Variants in TUSC3 observed in about 807,000 individuals in gnomAD.
The protein encoded by TUSC3 is tumor suppressor candidate 3, also known as dolichyl-diphosphooligosaccharide--protein glycosyltransferase subunit TUSC3.
In TUSC3, 45 loss-of-function variants were observed where a neutral mutation model predicts 44.8. The observed-to-expected ratio is 1.00, with a 90% CI of 0.79 to 1.29. The LOEUF (loss-of-function observed/expected upper bound fraction) is 1.29, where lower values mean the gene tolerates loss of function less well. TUSC3 is among the 50% of genes most tolerant of loss of function. TUSC3 has a pLI of 0.00. For missense variants in TUSC3, 519 were observed against 437.9 expected, an observed-to-expected ratio of 1.19 and a Z score of -1.65; for synonymous variants, 212 against 152.9, an observed-to-expected ratio of 1.39 and a Z score of -2.85.
rs566949347 is a variant in TUSC3 at position 15,452,654 on chromosome 8, C to G, written n.92-30732C>G. On this transcript the variant is annotated intron_variant and non_coding_transcript_variant, in intron 1 of 5. Coordinates refer to the TUSC3 transcript ENST00000503191. Reference sequence around the variant, plus strand: ...GCTTTGTAGTCCAGGACACGTAGCTCTCCTGCACAAATAGTCTTTGCTTTG... The same window carrying G: ...GCTTTGTAGTCCAGGACACGTAGCTGTCCTGCACAAATAGTCTTTGCTTTG... Among the ~76,000 whole-genome samples, 6 of 152,270 alleles carry G rather than the reference C, an allele frequency of 3.9e-5. No individual in the cohort carries two copies. In the South Asian group the frequency reaches 1.2e-3, roughly 32 times the overall value.
At chr8:15,760,684 G>C (rs572480929) in intron 10 of TUSC3, among the ~76,000 whole-genome samples, 4 of 152,294 alleles carry the variant, frequency 2.6e-5, no homozygotes, top group African/African-American at 9.6e-5. Flanking sequence ...TTTGTTTTAT[G>C]TGTTGGCTGC....
chr8:15,688,170 ATCG>A (rs1318206495), intron 6 of TUSC3, among the ~76,000 whole-genome samples: 1 of 152,062 alleles, frequency 6.6e-6, no homozygotes, highest in African/African-American at 2.4e-5. Flanking sequence ...TATTATTTTC[ATCG>A]TATCAATAAA....
intron 2 of TUSC3, among the ~76,000 whole-genome samples, chr8:15,521,197 A>G (rs962637682): frequency 4.6e-5 from 7 of 152,054 alleles, no homozygotes; most frequent in African/African-American, 1.7e-4. Flanking sequence ...GTATAATGGA[A>G]CTGTTTTCCT....
At chr8:15,577,327 T>C (rs1803156369) in intron 1 of TUSC3, among the ~76,000 whole-genome samples, 1 of 151,824 alleles carries the variant, frequency 6.6e-6, no homozygotes, top group African/African-American at 2.4e-5. Flanking sequence ...TGAGATCCCA[T>C]TTGTCAATTT....
chr8:15,455,437 ATGTATACACACC>A (rs1429499895), intron 1 of TUSC3, among the ~76,000 whole-genome samples: 3 of 43,612 alleles, frequency 6.9e-5, no homozygotes, highest in Admixed American at 4.7e-4. Context: ...ATACACGTAT[ATGTATACACACC>A]TATGTATACA....
chr8:15,588,917 T>C (rs1803708193), intron 1 of TUSC3, among the ~76,000 whole-genome samples: 1 of 152,192 alleles, frequency 6.6e-6, no homozygotes. Flanking sequence ...GGCCTTTGTG[T>C]CTGTGTTTGT....
intron 1 of TUSC3, among the ~76,000 whole-genome samples, chr8:15,475,412 A>G (rs947360164): frequency 3.3e-5 from 5 of 152,128 alleles, no homozygotes; most frequent in Non-Finnish European, 5.9e-5. Context: ...AAGTAGTCTC[A>G]TTTTTAGATC....
Position 15,764,432 on chromosome 8 carries a change from C to T in TUSC3, c.*276C>T. The T allele has an allele frequency of 5.9e-6, 3 of 504,846 alleles. No individual in the cohort carries two copies. The highest frequency in any genetic ancestry group is 1.1e-5 in the Non-Finnish European group (3 of 273,532). 31.3% of individuals were successfully genotyped at this position (504,846 alleles called of 1,614,324 possible). ...GGAAATATCAAAGTGTTTTTCAAGC[C>T]TGTTATATTCAGTGTGTGCCACAGG... On this transcript the variant is annotated 3_prime_UTR_variant, in exon 11 of 11. Coordinates refer to ENST00000503731, the MANE Select transcript of TUSC3 (RefSeq NM_006765.4).
chr8:15,652,400 T>C (rs1333500614), intron 3 of TUSC3, among the ~76,000 whole-genome samples: 1 of 152,228 alleles, frequency 6.6e-6, no homozygotes, highest in Non-Finnish European at 1.5e-5. Flanking sequence ...CTGTTAGTGT[T>C]CTTCACTTAT....
intron 3 of TUSC3, 82 bp from the exon 4 acceptor site, chr8:15,659,425 G>A (rs1807320707): frequency 7.8e-6 from 12 of 1,530,222 alleles, no homozygotes; most frequent in South Asian, 3.6e-5. Context: ...TGTTTTCCCC[G>A]AATTTCTACA....
At chr8:15,487,077 G>A (rs969977524) in intron 2 of TUSC3, among the ~76,000 whole-genome samples, 2 of 152,110 alleles carry the variant, frequency 1.3e-5, no homozygotes, top group African/African-American at 2.4e-5. Context: ...ATGACAAACC[G>A]ATAAAATACT....
chr8:15,840,406 C>A, the TUSC3 span, among the ~76,000 whole-genome samples: 1 of 152,066 alleles, frequency 6.6e-6, no homozygotes, highest in Admixed American at 6.6e-5. Context: ...AATAACCACA[C>A]ACACACACAA....
chr8:15,720,180 T>G (rs537798556), intron 6 of TUSC3, among the ~76,000 whole-genome samples: 1 of 139,928 alleles, frequency 7.1e-6, no homozygotes, highest in East Asian at 2.1e-4. Context: ...ATATCATTGT[T>G]AAATATAGTG....
the TUSC3 span, among the ~76,000 whole-genome samples, chr8:15,781,107 C>G: frequency 2.0e-5 from 3 of 152,158 alleles, no homozygotes; most frequent in East Asian, 5.8e-4. Context: ...GTGTTCTTTC[C>G]CAGGTTGCCC....
chr8:15,632,123 G>A (rs1034982982), intron 2 of TUSC3, among the ~76,000 whole-genome samples: 2 of 152,132 alleles, frequency 1.3e-5, no homozygotes, highest in Admixed American at 1.3e-4. Context: ...TCTCCAAAAT[G>A]TCTTTTATTT....
At chr8:15,555,060 G>A (rs1802198563) in intron 1 of TUSC3, among the ~76,000 whole-genome samples, 1 of 150,452 alleles carries the variant, frequency 6.6e-6, no homozygotes, top group South Asian at 2.1e-4. Flanking sequence ...AGAATGTAAG[G>A]AATTGGTTGT....
At chr8:15,672,920 T>G (rs1468184708) in intron 5 of TUSC3, among the ~76,000 whole-genome samples, 3 of 152,038 alleles carry the variant, frequency 2.0e-5, no homozygotes, top group African/African-American at 4.8e-5. Context: ...GAAGCTGAAG[T>G]AAGGAGTGAT....
At chr8:15,471,393 T>C (rs965134874) in intron 1 of TUSC3, among the ~76,000 whole-genome samples, 1 of 152,210 alleles carries the variant, frequency 6.6e-6, no homozygotes, top group Non-Finnish European at 1.5e-5. Flanking sequence ...CACTTAGAGC[T>C]GCAGTCTCCA....
intron 1 of TUSC3, among the ~76,000 whole-genome samples, chr8:15,474,480 C>T (rs1252712665): frequency 6.6e-6 from 1 of 152,080 alleles, no homozygotes; most frequent in Non-Finnish European, 1.5e-5. Context: ...TCCAGTTGGT[C>T]CCTCCGTTCA....
Sources: allele counts gnomAD v4.1 joint callset (sites outside exome capture counted in the v4.1 genomes callset), GRCh38; gene constraint gnomAD v4.1.1; transcripts MANE v1.5; gene names NCBI Gene and HGNC (gene_info 2026-07-23, HGNC 2026-07-21).